TMEM65: variants seen among roughly 807,000 people sequenced by gnomAD.
TMEM65 encodes the protein transmembrane protein 65.
A neutral mutation model predicts 25.4 loss-of-function variants in TMEM65; 22 were observed. The ratio of observed to expected loss-of-function variants is 0.86; its 90% confidence interval spans 0.62 to 1.23. TMEM65 has a LOEUF of 1.23. Among genes scored for constraint, TMEM65 ranks in the 50% most tolerant of loss-of-function variants. The pLI is 0.00. For missense variants in TMEM65, 262 were observed against 308.2 expected (o/e 0.85, Z 1.12); for synonymous variants, 132 against 126.2 (o/e 1.05, Z -0.31).
Position 124,308,958 on chromosome 8 carries a change from T to A in TMEM65, c.*5002A>T, listed in dbSNP as rs2131187643. ...TAATTACACGTAGTGTGCCTGCCTT[T>A]CCTGCTTCCCCTTGCACCTCTGCTA... On this transcript the variant is annotated 3_prime_UTR_variant, in exon 7 of 7. Transcript: ENST00000297632. 1 of 152,344 alleles carries A rather than the reference T, an allele frequency of 6.6e-6. No homozygotes were observed. Among genetic ancestry groups the A allele is most frequent in the African/African-American group, 2.4e-5 (1 of 41,570 alleles). The allele number at this position is 152,344 out of a possible 1,614,324, so 9.4% of individuals were successfully genotyped here.
intron 1 of TMEM65, among the ~76,000 whole-genome samples, chr8:124,370,116 C>T (rs1814993329): frequency 6.6e-6 from 1 of 151,976 alleles, no homozygotes; most frequent in African/African-American, 2.4e-5. Flanking sequence ...TTTAAAACCA[C>T]GTTAAATTTA....
chr8:124,333,942 G>T (rs774488612), intron 1 of TMEM65, among the ~76,000 whole-genome samples: 1 of 152,204 alleles, frequency 6.6e-6, no homozygotes, highest in Non-Finnish European at 1.5e-5. Context: ...GGAAAGGATA[G>T]AGTCAGAAAG....
chr8:124,356,959 C>A (rs181080623), intron 1 of TMEM65, among the ~76,000 whole-genome samples: 1 of 152,108 alleles, frequency 6.6e-6, no homozygotes, highest in Non-Finnish European at 1.5e-5. Context: ...CCTCCCAACT[C>A]GTCCTCCCAA....
In TMEM65 at chr8:124,318,006, A is replaced by C. The variant is rs1321872800; in HGVS notation, c.621+2080T>G. 7.2e-5 allele frequency among the ~76,000 whole-genome samples: 11 copies of C among 152,310 alleles called. No individual in the cohort carries two copies. In the East Asian group the frequency reaches 2.1e-3, roughly 29 times the overall value. On this transcript the variant is annotated intron_variant, in intron 6 of 6. Transcript: ENST00000297632. Reference sequence around the variant, plus strand: ...TAACGATAGCTGATAAGCTTAAAAAAAATCACAGAAAAAATCTCATAATGT... The same window carrying C: ...TAACGATAGCTGATAAGCTTAAAAACAATCACAGAAAAAATCTCATAATGT...
chr8:124,330,840 T>C (rs1814423372), intron 1 of TMEM65, 48 bp from the exon 2 acceptor site: 8 of 1,489,414 alleles, frequency 5.4e-6, no homozygotes, highest in Non-Finnish European at 6.4e-6. Context: ...TACTACAGCG[T>C]GATATTTTTT....
intron 1 of TMEM65, chr8:124,350,974 G>A: frequency 2.0e-6 from 2 of 984,972 alleles, no homozygotes; most frequent in Non-Finnish European, 1.2e-6. Context: ...TTTCAAACAA[G>A]CAAGAAGTTC....
In TMEM65 at chr8:124,307,016, C is replaced by CAGTTGAG. The variant is rs1814099181; in HGVS notation, c.*6937_*6943dup. 6.6e-6 allele frequency: 1 copy of CAGTTGAG among 152,086 alleles called. No homozygotes were observed. The highest frequency in any genetic ancestry group is 1.5e-5 in the Non-Finnish European group (1 of 68,022). The allele number at this position is 152,086 out of a possible 1,614,324, so 9.4% of individuals were successfully genotyped here. On this transcript the variant is annotated 3_prime_UTR_variant, in exon 7 of 7. Transcript: ENST00000297632. Reference sequence around the variant, plus strand: ...ACAGACTATACATTGGAGCCATTTGCAGTTGAGACAAACATAAAGATGCAG... The same window carrying CAGTTGAG: ...ACAGACTATACATTGGAGCCATTTGCAGTTGAGAGTTGAGACAAACATAAAGATGCAG...
intron 1 of TMEM65, among the ~76,000 whole-genome samples, chr8:124,349,770 T>C (rs1814682817): frequency 6.6e-6 from 1 of 151,930 alleles, no homozygotes; most frequent in Admixed American, 6.6e-5. Flanking sequence ...AAACACTGAG[T>C]CTCAAAAGGC....
intron 1 of TMEM65, among the ~76,000 whole-genome samples, chr8:124,350,791 T>C (rs1191900918): frequency 6.6e-6 from 1 of 152,056 alleles, no homozygotes; most frequent in Non-Finnish European, 1.5e-5. Context: ...TCACTTGCTA[T>C]GGTTATTTCA....
At chr8:124,326,838 AT>A (rs113449098) in intron 3 of TMEM65, among the ~76,000 whole-genome samples, 2 of 151,864 alleles carry the variant, frequency 1.3e-5, no homozygotes, top group Admixed American at 1.3e-4. Flanking sequence ...ACAAAGGGGA[AT>A]TTTTTTTAAC....
At position 124,312,855 on chromosome 8, in the gene TMEM65, T is replaced by C. The variant is rs949370974; in HGVS notation, c.*1105A>G. 1 of 151,872 alleles carries C rather than the reference T, an allele frequency of 6.6e-6. No individual in the cohort carries two copies. The highest frequency in any genetic ancestry group is 1.5e-5 in the Non-Finnish European group (1 of 67,826). 9.4% of individuals were successfully genotyped at this position (151,872 alleles called of 1,614,324 possible). A position where few individuals can be genotyped will look rare whatever the true frequency, so the allele number is the denominator to read the frequency against. ...AAGCAAAATATTAAATATCTAGTTT[T>C]CACTTCAACAGAAATTATTCATAAA... is the stretch of plus-strand genomic sequence containing the variant. On this transcript the variant is annotated 3_prime_UTR_variant, in exon 7 of 7. Transcript: ENST00000297632.
intron 1 of TMEM65, among the ~76,000 whole-genome samples, chr8:124,366,662 T>C (rs1814942638): frequency 6.6e-6 from 1 of 152,172 alleles, no homozygotes; most frequent in Non-Finnish European, 1.5e-5. Context: ...GGACATGTTA[T>C]ATGTAAGTGA....
intron 1 of TMEM65, among the ~76,000 whole-genome samples, chr8:124,354,988 G>A (rs539844758): frequency 2.0e-5 from 3 of 151,964 alleles, no homozygotes; most frequent in Non-Finnish European, 4.4e-5. Context: ...AAAAAAATTC[G>A]GTGGGAAAAA....
chr8:124,338,664 C>T (rs1398456062), intron 1 of TMEM65, among the ~76,000 whole-genome samples: 1 of 152,098 alleles, frequency 6.6e-6, no homozygotes, highest in Non-Finnish European at 1.5e-5. Flanking sequence ...TAAGATTTAA[C>T]CTGTATATCT....
At chr8:124,338,182 CAT>C (rs1425236246) in intron 1 of TMEM65, among the ~76,000 whole-genome samples, 1 of 152,032 alleles carries the variant, frequency 6.6e-6, no homozygotes, top group Non-Finnish European at 1.5e-5. Context: ...ATATTTCCCA[CAT>C]CTTTAAATTT....
At chr8:124,330,149 C>T (rs1814413766) in intron 2 of TMEM65, among the ~76,000 whole-genome samples, 1 of 151,860 alleles carries the variant, frequency 6.6e-6, no homozygotes, top group African/African-American at 2.4e-5. Flanking sequence ...AATTTACAAC[C>T]TACTCTAATT....
chr8:124,323,313 T>C lies in TMEM65; in HGVS notation c.472+8A>G, dbSNP rs370577902. ...AATGAAATAATAACATTTACTACTG[T>C]TAAATACCTGCCATAGTTGAAATTC... On this transcript the variant is annotated splice_region_variant and intron_variant, in intron 4 of 6. Coordinates refer to ENST00000297632, the MANE Select transcript of TMEM65 (RefSeq NM_194291.3). The C allele has an allele frequency of 1.2e-4, 170 of 1,444,984 alleles. 2 individuals are homozygous for C. Among genetic ancestry groups the C allele is most frequent in the South Asian group, 9.3e-4 (75 of 80,710 alleles). 89.5% of individuals were successfully genotyped at this position (1,444,984 alleles called of 1,614,324 possible). A position where few individuals can be genotyped will look rare whatever the true frequency, so the allele number is the denominator to read the frequency against.
intron 6 of TMEM65, 66 bp from the exon 7 acceptor site, chr8:124,314,127 A>T: frequency 7.9e-7 from 1 of 1,258,310 alleles, no homozygotes; most frequent in Non-Finnish European, 1.1e-6. Flanking sequence ...GCAGAGAAAA[A>T]ATCTCACCAG....
At chr8:124,328,682 C>G (rs1042620000) in intron 2 of TMEM65, among the ~76,000 whole-genome samples, 1 of 152,006 alleles carries the variant, frequency 6.6e-6, no homozygotes, top group Non-Finnish European at 1.5e-5. Context: ...TAGTGAACAT[C>G]CGTTCAACTG....
Sources: allele counts gnomAD v4.1 joint callset (sites outside exome capture counted in the v4.1 genomes callset), GRCh38; gene constraint gnomAD v4.1.1; transcripts MANE v1.5; gene names NCBI Gene and HGNC (gene_info 2026-07-23, HGNC 2026-07-21).